The following SMUG1 variants were observed in gnomAD, a reference collection of about 807,000 sequenced individuals.
SMUG1 encodes single-strand selective monofunctional uracil DNA glycosylase.
In SMUG1, 13 loss-of-function variants were observed where a neutral mutation model predicts 23.9. The ratio of observed to expected loss-of-function variants is 0.54; its 90% CI spans 0.35 to 0.86. The LOEUF is 0.86. Ranked by LOEUF, SMUG1 falls within the 40% of genes least tolerant of loss-of-function variation. SMUG1 has a pLI of 0.01. For missense variants in SMUG1, 313 were observed against 339.5 expected, an observed-to-expected ratio of 0.92 and a Z score of 0.61; for synonymous variants, 133 against 139.8, an observed-to-expected ratio of 0.95 and a Z score of 0.34.
In SMUG1 at chr12:54,183,949, G is replaced by C; in HGVS notation, c.-9C>G. The C allele has an allele frequency of 6.6e-7, 1 of 1,525,312 alleles. No individual in the cohort carries two copies. The highest frequency in any genetic ancestry group is 8.8e-7 in the Non-Finnish European group (1 of 1,137,876). The allele number at this position is 1,525,312 out of a possible 1,614,324, so 94.5% of individuals were successfully genotyped here. A position where few individuals can be genotyped will look rare whatever the true frequency, so the allele number is the denominator to read the frequency against. ...AGGAAAGCCTGGGGCATATGTCCAT[G>C]CCGCTGTCACCTGGGAAAAGAGATG... On this transcript the variant is annotated 5_prime_UTR_variant, in exon 3 of 4. Coordinates refer to ENST00000682136, the MANE Select transcript of SMUG1 (RefSeq NM_001243787.2).
At chr12:54,177,779 C>T (rs1940793176), downstream of SMUG1, among the ~76,000 whole-genome samples, 1 of 152,076 alleles carries the variant, frequency 6.6e-6, no homozygotes, top group African/African-American at 2.4e-5. Context: ...TACCTAAGCC[C>T]CTAGACCAGC....
chr12:54,171,933 C>G (rs1439968995), intron 3 of SMUG1: 38 of 385,678 alleles, frequency 9.9e-5, no homozygotes, highest in South Asian at 7.0e-4. Context: ...TCACTAATCC[C>G]TTGGCTCTCC....
chr12:54,182,891 G>T, intron 3 of SMUG1: 1 of 504,036 alleles, frequency 2.0e-6, no homozygotes, highest in Non-Finnish European at 3.4e-6. Flanking sequence ...GGACTACATT[G>T]AGATATCTAG....
At chr12:54,176,537 T>G (rs2136554258), downstream of SMUG1, among the ~76,000 whole-genome samples, 2 of 119,004 alleles carry the variant, frequency 1.7e-5, no homozygotes, top group African/African-American at 6.5e-5. Flanking sequence ...CCGGGCACGG[T>G]GGCTCATGCC....
chr12:54,169,025 C>T (rs1384147664), intron 3 of SMUG1, among the ~76,000 whole-genome samples: 2 of 152,182 alleles, frequency 1.3e-5, no homozygotes, highest in Non-Finnish European at 2.9e-5. Flanking sequence ...ATGGCCCCCA[C>T]CCCAACTCCC....
chr12:54,169,791 A>G (rs1397708229), intron 3 of SMUG1, among the ~76,000 whole-genome samples: 1 of 152,140 alleles, frequency 6.6e-6, no homozygotes, highest in African/African-American at 2.4e-5. Flanking sequence ...AAATCAGGTA[A>G]TAGTACATCT....
downstream of SMUG1, among the ~76,000 whole-genome samples, chr12:54,160,580 C>T (rs953334205): frequency 3.9e-5 from 6 of 152,302 alleles, no homozygotes; most frequent in Non-Finnish European, 7.4e-5. Context: ...AGGAGTGCTA[C>T]GGCCAACCAC....
At chr12:54,183,023 C>A in intron 3 of SMUG1, 1 of 190,850 alleles carries the variant, frequency 5.2e-6, no homozygotes, top group Non-Finnish European at 1.1e-5. Flanking sequence ...CCCTCTCAGC[C>A]CCAAGCCTCA....
chr12:54,185,532 G>C (rs1942246863), intron 2 of SMUG1, among the ~76,000 whole-genome samples: 3 of 145,044 alleles, frequency 2.1e-5, no homozygotes, highest in Admixed American at 7.1e-5. Flanking sequence ...AAATAAATTT[G>C]CCGGGCGCAA....
At chr12:54,172,128 G>C in intron 2 of SMUG1, 1 of 452,706 alleles carries the variant, frequency 2.2e-6, no homozygotes, top group Non-Finnish European at 4.5e-6. Context: ...AGACAAGGCA[G>C]ATCATGTCAC....
At chr12:54,161,763 G>A (rs1276728274), downstream of SMUG1, among the ~76,000 whole-genome samples, 1 of 152,162 alleles carries the variant, frequency 6.6e-6, no homozygotes, top group African/African-American at 2.4e-5. This position sits in a 1 kb window ranked among gnomAD's most constrained non-coding sequence, Gnocchi z 4.2. Context: ...CCTCAGGAGG[G>A]ACCCTGATCC....
Position 54,181,808 on chromosome 12 carries a change from TC to T in SMUG1, c.*287del. On this transcript the variant is annotated 3_prime_UTR_variant, in exon 4 of 4. Coordinates refer to ENST00000682136, the MANE Select transcript of SMUG1 (RefSeq NM_001243787.2). ...CCAAGGAAACACTGAGGTAGAGCAG[TC>T]TGCAAGTGCAAAAGCACACCTTCTG... 1 of 1,426,256 alleles carries T rather than the reference TC, an allele frequency of 7.0e-7. No homozygotes were observed. Among genetic ancestry groups the T allele is most frequent in the Non-Finnish European group, 9.1e-7 (1 of 1,095,542 alleles). 88.4% of individuals were successfully genotyped at this position (1,426,256 alleles called of 1,614,324 possible).
intron 2 of SMUG1, among the ~76,000 whole-genome samples, chr12:54,174,011 G>A (rs978481022): frequency 6.6e-6 from 1 of 152,174 alleles, no homozygotes; most frequent in Non-Finnish European, 1.5e-5. Context: ...ATGATCACAG[G>A]AGGACACAAA....
At chr12:54,171,162 G>A (rs1940605125) in intron 3 of SMUG1, among the ~76,000 whole-genome samples, 2 of 151,700 alleles carry the variant, frequency 1.3e-5, no homozygotes, top group South Asian at 4.2e-4. Context: ...ACCACATCTG[G>A]CTAATTTTTG....
Position 54,182,024 on chromosome 12 carries a change from T to C in SMUG1, c.*72A>G, listed in dbSNP as rs1224664323. 9 of 1,511,774 alleles carry C rather than the reference T, an allele frequency of 6.0e-6. No individual in the cohort carries two copies. Among genetic ancestry groups the C allele is most frequent in the Admixed American group, 2.3e-5 (1 of 43,832 alleles). The allele number at this position is 1,511,774 out of a possible 1,614,324, so 93.6% of individuals were successfully genotyped here. A position where few individuals can be genotyped will look rare whatever the true frequency, so the allele number is the denominator to read the frequency against. On this transcript the variant is annotated 3_prime_UTR_variant, in exon 4 of 4. Coordinates refer to ENST00000682136, the MANE Select transcript of SMUG1 (RefSeq NM_001243787.2). ...GGACCTTTTGCTCCAGTCCAGGAGA[T>C]GTGTTGTCATCTGCTTGGCCAAGAA...
chr12:54,176,513 C>A (rs376303597), downstream of SMUG1, among the ~76,000 whole-genome samples: 1 of 106,294 alleles, frequency 9.4e-6, no homozygotes, highest in Admixed American at 8.6e-5. Context: ...CCTGTCCCCC[C>A]CCAAAAAAAA....
downstream of SMUG1, among the ~76,000 whole-genome samples, chr12:54,179,918 C>A (rs1940851988): frequency 6.6e-6 from 1 of 152,214 alleles, no homozygotes; most frequent in African/African-American, 2.4e-5. Flanking sequence ...CAGATGTGTG[C>A]CCTCTGCTCA....
At chr12:54,175,238 C>G (rs1301016776) in intron 2 of SMUG1, 6 of 152,254 alleles carry the variant, frequency 3.9e-5, no homozygotes, top group African/African-American at 1.4e-4. Flanking sequence ...TTCTCTACCC[C>G]AGCTGTGGCC....
intron 1 of SMUG1, among the ~76,000 whole-genome samples, chr12:54,188,240 A>T (rs1409501046): frequency 6.7e-6 from 1 of 149,946 alleles, no homozygotes; most frequent in Non-Finnish European, 1.5e-5. Context: ...CCGGGAGTCC[A>T]GGGACAATAA....
Sources: allele counts gnomAD v4.1 joint callset (sites outside exome capture counted in the v4.1 genomes callset), GRCh38; gene constraint gnomAD v4.1.1; non-coding constraint Gnocchi (gnomAD v3.1); transcripts MANE v1.5; gene names NCBI Gene and HGNC (gene_info 2026-07-23, HGNC 2026-07-21).